The following MBD5 variants were observed in gnomAD, a reference collection of about 807,000 sequenced individuals.
The protein encoded by MBD5 is methyl-CpG binding domain protein 5, also known as methyl-CpG-binding domain protein 5.
MBD5 carries 13 observed loss-of-function variants against 117.3 expected under a neutral mutation model. The observed-to-expected ratio is 0.11, with a 90% CI of 0.07 to 0.18. MBD5 has a LOEUF of 0.18. MBD5 is among the 10% of genes least tolerant of loss of function. MBD5 has a pLI of 1.00. For synonymous variants in MBD5, 727 were observed against 766.4 expected (o/e 0.95, Z 0.85); for missense variants, 1,879 against 2,093.8 (o/e 0.90, Z 2.00).
At chr2:148,455,798 G>A (rs1449367498) in intron 4 of MBD5, among the ~76,000 whole-genome samples, 2 of 152,124 alleles carry the variant, frequency 1.3e-5, no homozygotes, top group Non-Finnish European at 1.5e-5. Flanking sequence ...TGAAAAGTAG[G>A]GAAAATGGGA....
intron 4 of MBD5, chr2:148,346,949 T>G (rs1703138411): frequency 6.6e-6 from 1 of 151,922 alleles, no homozygotes; most frequent in South Asian, 2.1e-4. Context: ...TGAACCCCAA[T>G]GTACCTCAAA....
intron 1 of MBD5, among the ~76,000 whole-genome samples, chr2:148,067,662 C>T (rs934807781): frequency 5.3e-5 from 8 of 152,168 alleles, no homozygotes; most frequent in Non-Finnish European, 7.4e-5. Flanking sequence ...AAATTTTCTT[C>T]GATTCATTTC....
chr2:148,462,075 A>G (rs6728931), intron 5 of MBD5, among the ~76,000 whole-genome samples: 44,960 of 152,066 alleles, frequency 0.3, 8,111 homozygotes, highest in Non-Finnish European at 0.39. Flanking sequence ...CTGTTTTTAC[A>G]TAGGGACAAC....
chr2:148,395,446 A>T (rs1460950307), intron 4 of MBD5, among the ~76,000 whole-genome samples: 10 of 85,800 alleles, frequency 1.2e-4, no homozygotes, highest in Non-Finnish European at 1.5e-4. Context: ...TTTTTTTTTC[A>T]CAGAGTCTCA....
At chr2:148,261,829 A>T (rs1470290607) in intron 3 of MBD5, among the ~76,000 whole-genome samples, 1 of 152,172 alleles carries the variant, frequency 6.6e-6, no homozygotes. Flanking sequence ...TTGAATTGAG[A>T]CATGTGATTC....
At chr2:148,122,868 A>C (rs1259393218) in intron 1 of MBD5, among the ~76,000 whole-genome samples, 3 of 152,234 alleles carry the variant, frequency 2.0e-5, no homozygotes, top group Non-Finnish European at 2.9e-5. Flanking sequence ...TATCACCTTC[A>C]AAGCTACATT....
intron 1 of MBD5, among the ~76,000 whole-genome samples, chr2:148,102,557 G>T (rs1018108702): frequency 4.3e-4 from 65 of 152,170 alleles, no homozygotes; most frequent in African/African-American, 1.6e-3. Flanking sequence ...TCCAAATACT[G>T]TGTTCTTTCG....
At chr2:148,256,749 C>A (rs1700600709) in intron 3 of MBD5, among the ~76,000 whole-genome samples, 1 of 152,264 alleles carries the variant, frequency 6.6e-6, no homozygotes, top group Non-Finnish European at 1.5e-5. Flanking sequence ...AATGGGGGGA[C>A]ACCCTCCCTT....
At chr2:148,120,207 G>A (rs1696735869) in intron 1 of MBD5, among the ~76,000 whole-genome samples, 1 of 152,148 alleles carries the variant, frequency 6.6e-6, no homozygotes, top group Non-Finnish European at 1.5e-5. Context: ...CGCACCTGGA[G>A]TGTATACATT....
chr2:148,251,019 C>CT (rs925440493), intron 3 of MBD5, among the ~76,000 whole-genome samples: 9 of 151,708 alleles, frequency 5.9e-5, no homozygotes, highest in Admixed American at 3.3e-4. Flanking sequence ...TTGTTTTTTG[C>CT]TTTTTTTATT....
At chr2:148,197,806 G>GTTTTTT (rs67499597) in intron 2 of MBD5, among the ~76,000 whole-genome samples, 1 of 92,520 alleles carries the variant, frequency 1.1e-5, no homozygotes, top group Non-Finnish European at 2.1e-5. Flanking sequence ...TTTTTTTTTT[G>GTTTTTT]TTTTTTTTTT....
intron 3 of MBD5, among the ~76,000 whole-genome samples, chr2:148,321,164 A>G (rs1260319389): frequency 3.9e-5 from 6 of 152,230 alleles, no homozygotes; most frequent in African/African-American, 1.2e-4. Context: ...GTTCAATGAA[A>G]TATAACTTAG....
intron 1 of MBD5, among the ~76,000 whole-genome samples, chr2:148,045,470 A>G (rs1388449260): frequency 1.3e-5 from 2 of 152,202 alleles, no homozygotes; most frequent in Non-Finnish European, 2.9e-5. Context: ...AAAGAAAGAT[A>G]TTAATTTGGT....
intron 3 of MBD5, among the ~76,000 whole-genome samples, chr2:148,332,612 T>C (rs1445968698): frequency 6.6e-6 from 1 of 152,214 alleles, no homozygotes; most frequent in Non-Finnish European, 1.5e-5. Context: ...TGAATTTTTA[T>C]GTCTTCCCTC....
At chr2:148,044,976 A>G (rs574191051) in intron 1 of MBD5, 1 of 152,282 alleles carries the variant, frequency 6.6e-6, no homozygotes, top group East Asian at 1.9e-4. Flanking sequence ...ATTGTTTGGT[A>G]ACTGTTGAAT....
intron 4 of MBD5, among the ~76,000 whole-genome samples, chr2:148,393,076 T>A (rs1013481469): frequency 1.3e-5 from 2 of 152,144 alleles, no homozygotes; most frequent in Non-Finnish European, 2.9e-5. Context: ...CTGGAAATAT[T>A]ATAGGCCATA....
intron 3 of MBD5, among the ~76,000 whole-genome samples, chr2:148,294,717 G>A (rs1323437326): frequency 6.6e-6 from 1 of 151,918 alleles, no homozygotes; most frequent in Non-Finnish European, 1.5e-5. Flanking sequence ...TGTTGCCCAA[G>A]CTGGTCTCGA....
At chr2:148,215,556 G>C (rs1239142174) in intron 2 of MBD5, among the ~76,000 whole-genome samples, 3 of 151,816 alleles carry the variant, frequency 2.0e-5, no homozygotes, top group Non-Finnish European at 4.4e-5. Context: ...TTTTTTTCGA[G>C]ACAAGGTCTT....
chr2:148,180,343 C>CATATATATATATATATAGAT (rs1698497892), intron 2 of MBD5, among the ~76,000 whole-genome samples: 2 of 105,544 alleles, frequency 1.9e-5, no homozygotes, highest in Non-Finnish European at 3.7e-5. Context: ...AAAAATTATA[C>CATATATATATATATATAGAT]ATATATATAT....
Sources: allele counts gnomAD v4.1 joint callset (sites outside exome capture counted in the v4.1 genomes callset), GRCh38; gene constraint gnomAD v4.1.1; transcripts MANE v1.5; gene names NCBI Gene and HGNC (gene_info 2026-07-23, HGNC 2026-07-21).